NCOA2: variants seen among roughly 807,000 people sequenced by gnomAD.
NCOA2 encodes class E basic helix-loop-helix protein 75.
A neutral mutation model predicts 145.1 loss-of-function variants in NCOA2; 21 were observed. That is an observed-to-expected ratio of 0.14 (90% CI 0.10 to 0.21). NCOA2 has a LOEUF of 0.21. NCOA2 is among the 10% of genes least tolerant of loss of function. The pLI, the probability that NCOA2 is intolerant of heterozygous loss-of-function variation, is 1.00. For synonymous variants in NCOA2, 619 were observed against 637.5 expected (o/e 0.97, Z 0.44); for missense variants, 1,472 against 1,837.6 (o/e 0.80, Z 3.64).
the NCOA2 span, among the ~76,000 whole-genome samples, chr8:70,425,821 T>TG: frequency 6.6e-6 from 1 of 152,162 alleles, no homozygotes; most frequent in Non-Finnish European, 1.5e-5. Flanking sequence ...TGCCCATGCC[T>TG]GGTGATGCCT....
At chr8:70,290,605 C>A (rs1471974504) in intron 2 of NCOA2, among the ~76,000 whole-genome samples, 1 of 152,080 alleles carries the variant, frequency 6.6e-6, no homozygotes, top group Non-Finnish European at 1.5e-5. Flanking sequence ...CTGTTAATTT[C>A]TCTGGTTTTC....
chr8:70,244,281 T>C (rs1481779300), intron 2 of NCOA2, among the ~76,000 whole-genome samples: 1 of 152,124 alleles, frequency 6.6e-6, no homozygotes, highest in Non-Finnish European at 1.5e-5. Context: ...GTTAACCCTT[T>C]TCAGATAATG....
chr8:70,434,440 A>G, the NCOA2 span, among the ~76,000 whole-genome samples: 1 of 152,230 alleles, frequency 6.6e-6, no homozygotes, highest in Admixed American at 6.5e-5. Context: ...TGAAATGTGA[A>G]CATCACCCCT....
In NCOA2 at chr8:70,321,793, C is replaced by CTTT. The variant is rs559680322; in HGVS notation, c.-76-24996_-76-24994dup. Among the ~76,000 whole-genome samples the CTTT allele has an allele frequency of 7.8e-3, 576 of 73,554 alleles. 96 individuals carry two copies. In the East Asian group the frequency reaches 0.099, roughly 13 times the overall value. 48.3% of individuals were successfully genotyped at this position (73,554 alleles called of 152,430 possible). A position where few individuals can be genotyped will look rare whatever the true frequency, so the allele number is the denominator to read the frequency against. Reference sequence around the variant, plus strand: ...TGCTTTCCTAAGTTTCAGAATATACCTTTTTTTTTTTTTTTTTTTTTTTTT... The same window carrying CTTT: ...TGCTTTCCTAAGTTTCAGAATATACCTTTTTTTTTTTTTTTTTTTTTTTTTTTT... On this transcript the variant is annotated intron_variant, in intron 1 of 22. Coordinates refer to ENST00000452400, the MANE Select transcript of NCOA2 (RefSeq NM_006540.4).
intron 1 of NCOA2, among the ~76,000 whole-genome samples, chr8:70,394,406 C>G (rs1167359499): frequency 6.6e-6 from 1 of 152,330 alleles, no homozygotes; most frequent in South Asian, 2.1e-4. Flanking sequence ...CCGCCCACCT[C>G]GGCCTCCCAA....
chr8:70,244,190 A>C (rs922646514), intron 2 of NCOA2, among the ~76,000 whole-genome samples: 2 of 152,144 alleles, frequency 1.3e-5, no homozygotes, highest in African/African-American at 4.8e-5. Context: ...TTGGAAACAT[A>C]CATACACTTC....
At chr8:70,207,635 G>A (rs1394257305) in intron 4 of NCOA2, among the ~76,000 whole-genome samples, 2 of 152,058 alleles carry the variant, frequency 1.3e-5, no homozygotes, top group African/African-American at 2.4e-5. Flanking sequence ...AGGCCAAGGC[G>A]GGTGGATCAC....
At chr8:70,441,771 A>T in the NCOA2 span, among the ~76,000 whole-genome samples, 1 of 146,074 alleles carries the variant, frequency 6.8e-6, no homozygotes. Context: ...AGAGAGAAAG[A>T]AAAGAAAGAA....
chr8:70,342,711 T>C (rs1586549511), intron 1 of NCOA2, among the ~76,000 whole-genome samples: 1 of 113,884 alleles, frequency 8.8e-6, no homozygotes, highest in Admixed American at 8.7e-5. Context: ...CTACATTACC[T>C]TTTTTTTTTT....
intron 2 of NCOA2, among the ~76,000 whole-genome samples, chr8:70,248,726 T>C (rs1822831041): frequency 6.6e-6 from 1 of 151,134 alleles, no homozygotes; most frequent in Admixed American, 6.7e-5. Flanking sequence ...ATAGTTGTTA[T>C]ACTGTATTGT....
intron 2 of NCOA2, among the ~76,000 whole-genome samples, chr8:70,265,591 T>C (rs965709858): frequency 1.3e-5 from 2 of 152,224 alleles, no homozygotes; most frequent in Non-Finnish European, 2.9e-5. Flanking sequence ...TATAATTCTA[T>C]TTTTTAAAAA....
chr8:70,194,473 G>T (rs1473002007), intron 4 of NCOA2, among the ~76,000 whole-genome samples: 3 of 152,022 alleles, frequency 2.0e-5, no homozygotes, highest in Non-Finnish European at 2.9e-5. Flanking sequence ...TTATCTAGAG[G>T]TTACATCGCA....
At chr8:70,197,706 A>G (rs1489964138) in intron 4 of NCOA2, among the ~76,000 whole-genome samples, 1 of 152,182 alleles carries the variant, frequency 6.6e-6, no homozygotes, top group African/African-American at 2.4e-5. Context: ...ATTGGAATTT[A>G]TTTTAAACTG....
At chr8:70,268,186 T>G (rs1824762972) in intron 2 of NCOA2, among the ~76,000 whole-genome samples, 1 of 152,204 alleles carries the variant, frequency 6.6e-6, no homozygotes, top group Non-Finnish European at 1.5e-5. Context: ...CACAATTTGG[T>G]CTCTATCCTC....
chr8:70,284,128 T>A (rs1309504868), intron 2 of NCOA2, among the ~76,000 whole-genome samples: 1 of 152,180 alleles, frequency 6.6e-6, no homozygotes, highest in Non-Finnish European at 1.5e-5. Flanking sequence ...TGAGAGAGGC[T>A]GAAGAACACA....
At chr8:70,131,770 A>G in intron 16 of NCOA2, 67 bp downstream of exon 16, 1 of 1,487,874 alleles carries the variant, frequency 6.7e-7, no homozygotes, top group Non-Finnish European at 9.0e-7. Context: ...GTACCTGTAA[A>G]CAGAAAATGG....
At chr8:70,212,066 CATATATAT>C (rs36215324) in intron 4 of NCOA2, among the ~76,000 whole-genome samples, 1,760 of 144,340 alleles carry the variant, frequency 0.012, 32 homozygotes, top group African/African-American at 0.035. Context: ...CTTTGTGGCG[CATATATAT>C]ATATATATAT....
rs1821809624 is a variant in NCOA2, at chr8:70,238,157, CGCGCGCGTGTGTGT to C, written c.-19-21407_-19-21394del. On this transcript the variant is annotated intron_variant, in intron 2 of 22. Coordinates refer to ENST00000452400, the MANE Select transcript of NCOA2 (RefSeq NM_006540.4). The stretch of plus-strand genomic sequence containing the variant: ...ATGAATAAGCATGTGCACACGCGCG[CGCGCGCGTGTGTGT>C]GTTTTAAACTACTTAGGAAGAGGAA... Among the ~76,000 whole-genome samples, 17 of 152,018 alleles carry C rather than the reference CGCGCGCGTGTGTGT, an allele frequency of 1.1e-4. 1 individual carries two copies. The South Asian group carries it at 3.3e-3, about 30-fold the overall frequency.
chr8:70,331,906 A>T (rs1217270280), intron 1 of NCOA2, among the ~76,000 whole-genome samples: 1 of 152,172 alleles, frequency 6.6e-6, no homozygotes, highest in Non-Finnish European at 1.5e-5. Context: ...CATGACTTAC[A>T]TCATGACATG....
Sources: allele counts gnomAD v4.1 joint callset (sites outside exome capture counted in the v4.1 genomes callset), GRCh38; gene constraint gnomAD v4.1.1; transcripts MANE v1.5; gene names NCBI Gene and HGNC (gene_info 2026-07-23, HGNC 2026-07-21).